The following ARHGEF6 variants were observed in gnomAD, a reference collection of about 807,000 sequenced individuals.
ARHGEF6 encodes rho guanine nucleotide exchange factor 6.
In ARHGEF6, 9 loss-of-function variants were observed where a neutral mutation model predicts 70.3. That is an observed-to-expected ratio of 0.13 (90% CI 0.08 to 0.22). The LOEUF is 0.22. Among genes scored for constraint, ARHGEF6 ranks in the 10% least tolerant of loss-of-function variants. The pLI is 1.00. For missense variants in ARHGEF6, 470 were observed against 563.0 expected, an observed-to-expected ratio of 0.83 and a Z score of 1.67; for synonymous variants, 201 against 207.8, an observed-to-expected ratio of 0.97 and a Z score of 0.28.
chrX:136,674,559 G>A (rs2076258498), intron 19 of ARHGEF6, among the ~76,000 whole-genome samples: 1 of 112,192 alleles, frequency 8.9e-6, no homozygotes, highest in South Asian at 3.7e-4. Flanking sequence ...TGAAACTTGA[G>A]TTTGGTGAAG....
Position 136,779,493 on chromosome X carries a change from C to A in ARHGEF6, c.170G>T (p.Cys57Phe), listed in dbSNP as rs1320402929. The A allele has an allele frequency of 8.3e-7, 1 of 1,206,278 alleles. No individual in the cohort carries two copies. Among genetic ancestry groups the A allele is most frequent in the South Asian group, 1.8e-5 (1 of 56,859 alleles). The change falls in exon 2 of 22, where the codon TGT becomes TTT. Residue 57 changes from cysteine to phenylalanine, a missense_variant. Cys to Phe is a radical substitution (Grantham distance 205, BLOSUM62 -2). Around this residue, in one of 3 missense-constraint regions of ARHGEF6, gnomAD observed 379 missense variants for 449.3 expected, o/e 0.84. Transcript: ENST00000250617. ...GTCAGCTTCAGTTTGGGGATCCAGA[C>A]AAAACTAGAGGAACACAGTGAAATG... is the stretch of plus-strand genomic sequence containing the variant. ...RLMPGSVEKF[C>F]LDPQTEADCI...
chrX:136,710,635 T>C (rs2076675635), intron 7 of ARHGEF6, among the ~76,000 whole-genome samples: 2 of 109,559 alleles, frequency 1.8e-5, no homozygotes, highest in African/African-American at 6.7e-5. Flanking sequence ...CACGATCAGA[T>C]AATAGTCAGT....
At chrX:136,722,312 T>A (rs867051423) in intron 6 of ARHGEF6, among the ~76,000 whole-genome samples, 53 of 111,758 alleles carry the variant, frequency 4.7e-4, no homozygotes, top group African/African-American at 1.7e-3. Flanking sequence ...AAAACAAAAA[T>A]AAGTAAATTG....
At chrX:136,722,479 A>C (rs1210147436) in intron 6 of ARHGEF6, among the ~76,000 whole-genome samples, 1 of 112,179 alleles carries the variant, frequency 8.9e-6, no homozygotes, top group East Asian at 2.8e-4. Flanking sequence ...AACAACAAAA[A>C]TAATCAATTA....
intron 9 of ARHGEF6, among the ~76,000 whole-genome samples, chrX:136,700,976 G>C (rs58407654): frequency 0.012 from 1,324 of 112,128 alleles, 32 homozygotes; most frequent in African/African-American, 0.04. Context: ...AAAACACTGT[G>C]ACAGAAATGA....
At chrX:136,696,683 G>A (rs141733059) in intron 9 of ARHGEF6, among the ~76,000 whole-genome samples, 2,463 of 110,880 alleles carry the variant, frequency 0.022, 75 homozygotes, top group African/African-American at 0.076. Context: ...AATGATATAA[G>A]ATAAATGAAA....
intron 21 of ARHGEF6, 140 bp downstream of exon 21, chrX:136,669,342 A>G (rs2076198313): frequency 1.9e-6 from 1 of 526,121 alleles, no homozygotes. Context: ...AATCAACAAA[A>G]CCTACCTTGA....
At chrX:136,686,647 CATAT>C (rs1186808082) in intron 11 of ARHGEF6, among the ~76,000 whole-genome samples, 1 of 57,991 alleles carries the variant, frequency 1.7e-5, no homozygotes, top group Non-Finnish European at 3.0e-5. Flanking sequence ...TATATACACA[CATAT>C]ATATATACAC....
chrX:136,747,683 G>GT, intron 2 of ARHGEF6, 91 bp from the exon 3 acceptor site: 27 of 178,943 alleles, frequency 1.5e-4, no homozygotes, highest in East Asian at 3.3e-4. Context: ...CCAGCTCTCC[G>GT]GAAAAAAAAA....
intron 9 of ARHGEF6, 31 bp from the exon 10 acceptor site, chrX:136,690,779 T>C: frequency 8.5e-7 from 1 of 1,179,541 alleles, no homozygotes; most frequent in Non-Finnish European, 1.2e-6. Context: ...ATTTTGTTAC[T>C]GTTGAATATC....
chrX:136,763,696 G>A (rs1036936821), intron 2 of ARHGEF6, among the ~76,000 whole-genome samples: 2 of 111,574 alleles, frequency 1.8e-5, no homozygotes, highest in African/African-American at 6.5e-5. Flanking sequence ...GTGGTGGTAT[G>A]TGCCTGTAAT....
intron 6 of ARHGEF6, among the ~76,000 whole-genome samples, chrX:136,715,239 C>A (rs1295603160): frequency 2.7e-5 from 3 of 110,854 alleles, no homozygotes; most frequent in Non-Finnish European, 5.7e-5. Flanking sequence ...TAGAAATATT[C>A]CCCTCTATAG....
chrX:136,682,211 C>G (rs981500540), intron 13 of ARHGEF6, among the ~76,000 whole-genome samples: 1 of 112,055 alleles, frequency 8.9e-6, no homozygotes, highest in Admixed American at 9.4e-5. Context: ...AAGCAGTTTA[C>G]TTTTCTAACA....
chrX:136,735,735 T>C (rs754216715), intron 5 of ARHGEF6, among the ~76,000 whole-genome samples: 40 of 112,036 alleles, frequency 3.6e-4, no homozygotes. Context: ...CCTTTGCTGG[T>C]GTACAGATTA....
At chrX:136,773,253 C>A (rs192480421) in intron 2 of ARHGEF6, among the ~76,000 whole-genome samples, 3 of 112,334 alleles carry the variant, frequency 2.7e-5, no homozygotes, top group East Asian at 2.8e-4. Context: ...ACAGTCAAGC[C>A]CTGCTCTTCT....
At chrX:136,757,897 T>C (rs1336186483) in intron 2 of ARHGEF6, among the ~76,000 whole-genome samples, 1 of 111,407 alleles carries the variant, frequency 9.0e-6, no homozygotes, top group Non-Finnish European at 1.9e-5. Flanking sequence ...AACAGGTATG[T>C]CTTCCACCAG....
chrX:136,666,099 G>T lies in ARHGEF6; in HGVS notation c.*1930C>A, dbSNP rs2076159258. 2 of 112,507 alleles carry T rather than the reference G, an allele frequency of 1.8e-5. No individual in the cohort carries two copies. Among genetic ancestry groups the T allele is most frequent in the Non-Finnish European group, 3.8e-5 (2 of 53,285 alleles). 9.3% of individuals were successfully genotyped at this position (112,507 alleles called of 1,213,427 possible). On this transcript the variant is annotated 3_prime_UTR_variant, in exon 22 of 22. Transcript: ENST00000250617. ...TGATGTTTTTAATTTTTAAGTGAAG[G>T]ATGTTATATCTAAATGGCTGTGCTA...
intron 6 of ARHGEF6, among the ~76,000 whole-genome samples, chrX:136,714,884 G>A (rs2076721943): frequency 1.8e-5 from 2 of 111,767 alleles, no homozygotes; most frequent in Non-Finnish European, 3.8e-5. Context: ...TAGGTGCTGG[G>A]TAAGTGGGAA....
intron 5 of ARHGEF6, among the ~76,000 whole-genome samples, chrX:136,738,559 C>T (rs758972045): frequency 8.9e-6 from 1 of 112,658 alleles, no homozygotes; most frequent in Non-Finnish European, 1.9e-5. Context: ...CCATAGCATA[C>T]TGTATTTAGC....
Sources: gnomAD v4.1 joint callset for allele counts (sites outside exome capture counted in the v4.1 genomes callset) on GRCh38, gnomAD v4.1.1 for gene constraint, gnomAD v4.1.1 regional missense constraint, MANE v1.5 for transcripts, NCBI Gene and HGNC (gene_info 2026-07-23, HGNC 2026-07-21) for gene names.